Variants in RARB observed in about 807,000 individuals in gnomAD.
RARB encodes the protein HBV-activated protein.
RARB carries 17 observed loss-of-function variants against 51.9 expected under a neutral mutation model. The ratio of observed to expected loss-of-function variants is 0.33; its 90% CI spans 0.22 to 0.49. RARB has a LOEUF of 0.49. RARB is among the 20% of genes least tolerant of loss of function. The probability of loss-of-function intolerance (pLI) is 0.99; values close to 1 mark genes in which losing one functional copy is unlikely to be tolerated. For synonymous variants in RARB, 215 were observed against 195.4 expected, an observed-to-expected ratio of 1.10 and a Z score of -0.84; for missense variants, 369 against 550.8, an observed-to-expected ratio of 0.67 and a Z score of 3.30.
rs1701874948 is a variant in RARB, at chr3:25,597,237, C to T, written c.*621C>T. On this transcript the variant is annotated 3_prime_UTR_variant, in exon 8 of 8. Coordinates refer to ENST00000330688, the MANE Select transcript of RARB (RefSeq NM_000965.5). ...TGCTCTTTCTGATGCTCTCAAACTG[C>T]ATCTTTTATTTCATGTTGCCCAGTA... is the stretch of plus-strand genomic sequence containing the variant. The T allele has an allele frequency of 6.6e-6, 1 of 152,640 alleles. No individual in the cohort carries two copies. The highest frequency in any genetic ancestry group is 2.4e-5 in the African/African-American group (1 of 41,454). 9.5% of individuals were successfully genotyped at this position (152,640 alleles called of 1,614,324 possible).
intron 2 of RARB, among the ~76,000 whole-genome samples, chr3:24,970,580 C>G (rs1373724617): frequency 2.5e-5 from 1 of 40,396 alleles, no homozygotes; most frequent in African/African-American, 1.1e-4. Flanking sequence ...TGTAAACACA[C>G]ACACACACAC....
intron 3 of RARB, among the ~76,000 whole-genome samples, chr3:25,084,268 C>T (rs759012576): frequency 6.6e-6 from 1 of 152,168 alleles, no homozygotes; most frequent in Non-Finnish European, 1.5e-5. Flanking sequence ...CCAGCAGAAA[C>T]AACTCTCTCA....
At chr3:25,454,435 G>A (rs1384698891) in intron 1 of RARB, among the ~76,000 whole-genome samples, 1 of 152,206 alleles carries the variant, frequency 6.6e-6, no homozygotes, top group Non-Finnish European at 1.5e-5. Flanking sequence ...CTTCCACTGG[G>A]ATTCGGAGCT....
At chr3:25,464,806 A>G (rs1206805655) in intron 2 of RARB, among the ~76,000 whole-genome samples, 2 of 152,148 alleles carry the variant, frequency 1.3e-5, no homozygotes, top group African/African-American at 2.4e-5. Flanking sequence ...AAGTATATGC[A>G]TATTGTTATT....
intron 5 of RARB, among the ~76,000 whole-genome samples, chr3:25,390,101 C>A (rs1029626036): frequency 1.3e-5 from 2 of 152,138 alleles, no homozygotes; most frequent in Non-Finnish European, 2.9e-5. Context: ...TATGTTGAAA[C>A]TTAATCACCG....
At chr3:24,984,847 A>G (rs777818501) in intron 2 of RARB, among the ~76,000 whole-genome samples, 3 of 152,228 alleles carry the variant, frequency 2.0e-5, no homozygotes, top group Non-Finnish European at 2.9e-5. Flanking sequence ...TGTTGTACAC[A>G]TAACATCTTT....
intron 5 of RARB, among the ~76,000 whole-genome samples, chr3:25,230,416 AG>A (rs1702149969): frequency 6.6e-6 from 1 of 152,060 alleles, no homozygotes; most frequent in African/African-American, 2.4e-5. Context: ...CCCAAATCTC[AG>A]GGAGCTAGAA....
At chr3:25,332,157 C>G (rs1299453411) in intron 5 of RARB, among the ~76,000 whole-genome samples, 1 of 152,126 alleles carries the variant, frequency 6.6e-6, no homozygotes, top group Admixed American at 6.6e-5. Flanking sequence ...AAGAGGGAAT[C>G]CTCCCTAACT....
At chr3:25,361,049 C>T (rs1341979416) in intron 5 of RARB, among the ~76,000 whole-genome samples, 1 of 152,204 alleles carries the variant, frequency 6.6e-6, no homozygotes, top group Non-Finnish European at 1.5e-5. Flanking sequence ...GGGAAGTTCT[C>T]CTGGATAATA....
chr3:25,468,719 A>T (rs1695554639), intron 2 of RARB, among the ~76,000 whole-genome samples: 2 of 152,226 alleles, frequency 1.3e-5, no homozygotes, highest in South Asian at 2.1e-4. Context: ...AAAAGAAATG[A>T]CATCTCTGCG....
intron 2 of RARB, among the ~76,000 whole-genome samples, chr3:25,049,953 A>AGTGATGTGG (rs1698293287): frequency 6.6e-6 from 1 of 152,194 alleles, no homozygotes; most frequent in South Asian, 2.1e-4. Context: ...GTTTGTTGTT[A>AGTGATGTGG]GTGATGTGGT....
At chr3:25,558,182 C>A (rs1021129555) in intron 3 of RARB, among the ~76,000 whole-genome samples, 1 of 152,092 alleles carries the variant, frequency 6.6e-6, no homozygotes, top group Non-Finnish European at 1.5e-5. Context: ...AAGCGCTTGG[C>A]CTCAAGTTTA....
rs143293190 is a variant in RARB at position 25,150,584 on chromosome 3, C to G, written c.-280+18376C>G. 4.7e-3 allele frequency among the ~76,000 whole-genome samples: 717 copies of G among 152,262 alleles called. 3 individuals are homozygous for G. Among genetic ancestry groups the G allele is most frequent in the African/African-American group, 0.016 (665 of 41,548 alleles). On this transcript the variant is annotated intron_variant, in intron 4 of 11. Coordinates refer to the RARB transcript ENST00000383772. ...ACAAGAAAGAAAATTTCTCCTCCACCCTTTTAAGAAATCCAGCCTACTTTT... is the reference window on the plus strand; with the variant it reads ...ACAAGAAAGAAAATTTCTCCTCCACGCTTTTAAGAAATCCAGCCTACTTTT...
intron 5 of RARB, among the ~76,000 whole-genome samples, chr3:25,336,809 A>G (rs1329698154): frequency 6.6e-6 from 1 of 152,142 alleles, no homozygotes; most frequent in South Asian, 2.1e-4. Flanking sequence ...TCTGTATCAC[A>G]TTATGTTCAG....
chr3:25,327,369 G>C (rs1170193371), intron 5 of RARB, among the ~76,000 whole-genome samples: 3 of 151,702 alleles, frequency 2.0e-5, no homozygotes, highest in South Asian at 2.1e-4. Flanking sequence ...CAAAATAATA[G>C]ATCCAAAAAA....
At chr3:25,176,208 G>C (rs1700739592) in intron 5 of RARB, among the ~76,000 whole-genome samples, 1 of 151,994 alleles carries the variant, frequency 6.6e-6, no homozygotes, top group South Asian at 2.1e-4. Context: ...GAAACTCTAA[G>C]GCAGCCTGAA....
chr3:25,188,089 A>T (rs1701017646), intron 5 of RARB, among the ~76,000 whole-genome samples: 1 of 152,114 alleles, frequency 6.6e-6, no homozygotes, highest in Non-Finnish European at 1.5e-5. Context: ...GTATCAAGAC[A>T]ATATTCTTAC....
intron 3 of RARB, among the ~76,000 whole-genome samples, chr3:25,095,131 T>A (rs1479156166): frequency 6.6e-6 from 1 of 152,176 alleles, no homozygotes; most frequent in East Asian, 1.9e-4. Context: ...CAAACTTAGC[T>A]GTATATTGCC....
chr3:24,904,546 G>A (rs1026574823), intron 2 of RARB, among the ~76,000 whole-genome samples: 4 of 152,158 alleles, frequency 2.6e-5, no homozygotes, highest in Non-Finnish European at 5.9e-5. Context: ...AAATAGGAAA[G>A]CTTTTACACT....
Sources: gnomAD v4.1 joint callset for allele counts (sites outside exome capture counted in the v4.1 genomes callset) on GRCh38, gnomAD v4.1.1 for gene constraint, MANE v1.5 for transcripts, NCBI Gene and HGNC (gene_info 2026-07-23, HGNC 2026-07-21) for gene names.